SOX5: variants seen among roughly 807,000 people sequenced by gnomAD.
SOX5 encodes transcription factor SOX-5.
Under a neutral mutation model 92.0 loss-of-function variants are expected in SOX5, and 9 were observed. The observed-to-expected ratio is 0.10, with a 90% CI of 0.06 to 0.17. SOX5 has a LOEUF of 0.17. Ranked by LOEUF, SOX5 falls within the 10% of genes least tolerant of loss-of-function variation. The probability of loss-of-function intolerance (pLI) is 1.00; values close to 1 mark genes in which losing one functional copy is unlikely to be tolerated. For synonymous variants in SOX5, 344 were observed against 336.3 expected (o/e 1.02, Z -0.25); for missense variants, 642 against 944.5 (o/e 0.68, Z 4.20).
At chr12:23,757,519 T>C (rs1293565369) in intron 3 of SOX5, among the ~76,000 whole-genome samples, 1 of 151,752 alleles carries the variant, frequency 6.6e-6, no homozygotes, top group African/African-American at 2.4e-5. Context: ...AGTTTGAGAG[T>C]AAAATTATTT....
intron 4 of SOX5, among the ~76,000 whole-genome samples, chr12:24,111,812 C>T (rs913759745): frequency 6.6e-6 from 1 of 152,188 alleles, no homozygotes; most frequent in African/African-American, 2.4e-5. Context: ...TTACTATTCA[C>T]AACTTCAATC....
rs542888074 is a variant in SOX5, at chr12:23,841,697, C to T, written c.481+4286G>A. Among the ~76,000 whole-genome samples the T allele has an allele frequency of 1.3e-5, 2 of 152,118 alleles. 1 individual carries two copies. Among genetic ancestry groups the T allele is most frequent in the African/African-American group, 4.8e-5 (2 of 41,502 alleles). On this transcript the variant is annotated intron_variant, in intron 3 of 14. Coordinates refer to ENST00000451604, the MANE Select transcript of SOX5 (RefSeq NM_006940.6). ...AAGTGACAGAGCCAGTCTGAAAAAG[C>T]CCCATGCTGTATTATTCTGATTATA...
intron 8 of SOX5, 135 bp from the exon 9 acceptor site, chr12:23,604,668 G>A (rs1163231968): frequency 1.3e-6 from 1 of 766,620 alleles, no homozygotes; most frequent in East Asian, 2.7e-5. Context: ...AATATTTAAA[G>A]AAAGAAGCTG....
chr12:24,118,387 G>C (rs1948281980), intron 4 of SOX5, among the ~76,000 whole-genome samples: 1 of 151,970 alleles, frequency 6.6e-6, no homozygotes. Flanking sequence ...ATTATTATCT[G>C]TCAATTAAAA....
rs1942484063 is a variant in SOX5, at chr12:23,543,395, G to A, written c.1598-11C>T. 1 of 1,609,922 alleles carries A rather than the reference G, an allele frequency of 6.2e-7. No individual in the cohort carries two copies. Among genetic ancestry groups the A allele is most frequent in the South Asian group, 1.1e-5 (1 of 90,816 alleles). ...AGACTCCAGCACTTCCTGAAAACAG[G>A]AAACATCACTTCGTGTTAGCGTTAA... On this transcript the variant is annotated splice_polypyrimidine_tract_variant and intron_variant, in intron 12 of 14. Coordinates refer to ENST00000451604, the MANE Select transcript of SOX5 (RefSeq NM_006940.6).
At chr12:24,023,807 T>C (rs999072205) in intron 4 of SOX5, among the ~76,000 whole-genome samples, 5 of 152,092 alleles carry the variant, frequency 3.3e-5, no homozygotes, top group Non-Finnish European at 7.4e-5. Flanking sequence ...TGTTTATTAA[T>C]TAATTCATTA....
intron 5 of SOX5, among the ~76,000 whole-genome samples, chr12:23,738,840 G>A (rs1273560116): frequency 6.6e-6 from 1 of 152,104 alleles, no homozygotes; most frequent in Non-Finnish European, 1.5e-5. Flanking sequence ...GAGTGGTGTT[G>A]TTTTATACTG....
At chr12:23,787,531 T>C (rs2095402934) in intron 3 of SOX5, among the ~76,000 whole-genome samples, 1 of 152,014 alleles carries the variant, frequency 6.6e-6, no homozygotes, top group Non-Finnish European at 1.5e-5. Context: ...GCATACACGA[T>C]GAACACAGTC....
intron 1 of SOX5, among the ~76,000 whole-genome samples, chr12:24,507,849 ATTG>A (rs1003418840): frequency 9.8e-5 from 15 of 152,298 alleles, no homozygotes; most frequent in African/African-American, 2.9e-4. Flanking sequence ...GAATATAATA[ATTG>A]TTTATACCTT....
At chr12:23,541,624 T>C (rs1459853337) in intron 13 of SOX5, among the ~76,000 whole-genome samples, 1 of 152,232 alleles carries the variant, frequency 6.6e-6, no homozygotes, top group Admixed American at 6.5e-5. Flanking sequence ...ATGCATGATA[T>C]ATATTTTTAC....
At chr12:24,040,577 T>G in intron 4 of SOX5, among the ~76,000 whole-genome samples, 1 of 152,210 alleles carries the variant, frequency 6.6e-6, no homozygotes. Flanking sequence ...CAATGCTTAT[T>G]AAAAATTCAT....
At chr12:24,283,932 C>G (rs1282896066) in intron 2 of SOX5, among the ~76,000 whole-genome samples, 4 of 152,250 alleles carry the variant, frequency 2.6e-5, no homozygotes, top group Middle Eastern at 3.4e-3. Flanking sequence ...TAGAGTTTGT[C>G]TGAAATTTCT....
At chr12:23,945,410 A>G (rs527673217) in intron 1 of SOX5, among the ~76,000 whole-genome samples, 93 of 152,218 alleles carry the variant, frequency 6.1e-4, no homozygotes, top group African/African-American at 2.0e-3. Context: ...CCTGCTAAAA[A>G]CTGAGCAGTA....
At chr12:24,194,360 C>T (rs1433838792) in intron 4 of SOX5, among the ~76,000 whole-genome samples, 1 of 151,884 alleles carries the variant, frequency 6.6e-6, no homozygotes, top group Non-Finnish European at 1.5e-5. Context: ...AATATGGAAC[C>T]CATACACACA....
chr12:24,484,826 A>G (rs1210802582), intron 1 of SOX5, among the ~76,000 whole-genome samples: 1 of 152,224 alleles, frequency 6.6e-6, no homozygotes, highest in African/African-American at 2.4e-5. Context: ...TGTTTTGCAT[A>G]AAGTTGAATC....
intron 3 of SOX5, among the ~76,000 whole-genome samples, chr12:24,221,676 T>C (rs1312673092): frequency 3.3e-5 from 5 of 152,216 alleles, no homozygotes. Flanking sequence ...AAATCTCTCA[T>C]GCAGCTTACA....
intron 8 of SOX5, among the ~76,000 whole-genome samples, chr12:23,609,603 C>T (rs1288892643): frequency 2.0e-5 from 3 of 152,150 alleles, no homozygotes; most frequent in African/African-American, 7.2e-5. Flanking sequence ...TAATCTCACC[C>T]ATCATCTATT....
At chr12:23,632,589 C>T (rs1263468795) in intron 8 of SOX5, among the ~76,000 whole-genome samples, 2 of 152,096 alleles carry the variant, frequency 1.3e-5, no homozygotes. Context: ...ATTCTTTTAT[C>T]TGTGTCCTGT....
At chr12:24,039,715 C>A (rs896443512) in intron 4 of SOX5, among the ~76,000 whole-genome samples, 4 of 152,118 alleles carry the variant, frequency 2.6e-5, no homozygotes, top group African/African-American at 9.7e-5. Flanking sequence ...TATACATATT[C>A]ATTTTCCCTA....
Sources: allele counts gnomAD v4.1 joint callset (sites outside exome capture counted in the v4.1 genomes callset), GRCh38; gene constraint gnomAD v4.1.1; transcripts MANE v1.5; gene names NCBI Gene and HGNC (gene_info 2026-07-23, HGNC 2026-07-21).